Variants in NR3C2 observed in about 807,000 individuals in gnomAD.
NR3C2 encodes mineralocorticoid receptor.
In NR3C2, 15 loss-of-function variants were observed where a neutral mutation model predicts 86.4. The ratio of observed to expected loss-of-function variants is 0.17; its 90% CI spans 0.12 to 0.27. The LOEUF is 0.27. NR3C2 is among the 10% of genes least tolerant of loss of function. The pLI, the probability that NR3C2 is intolerant of heterozygous loss-of-function variation, is 1.00. For missense variants in NR3C2, 960 were observed against 1,195.6 expected (o/e 0.80, Z 2.91); for synonymous variants, 458 against 450.5 (o/e 1.02, Z -0.21).
intron 4 of NR3C2, among the ~76,000 whole-genome samples, chr4:148,166,511 A>G (rs1734886105): frequency 6.6e-6 from 1 of 152,182 alleles, no homozygotes; most frequent in South Asian, 2.1e-4. Flanking sequence ...CTCGAAATCT[A>G]ATTCTGCACA....
intron 2 of NR3C2, among the ~76,000 whole-genome samples, chr4:148,363,884 T>C (rs1745979060): frequency 1.3e-5 from 2 of 152,162 alleles, no homozygotes; most frequent in African/African-American, 4.8e-5. Context: ...CTGTATTCAG[T>C]CTCTCGTGTC....
At chr4:148,189,953 T>C (rs942375388) in intron 4 of NR3C2, among the ~76,000 whole-genome samples, 8 of 152,212 alleles carry the variant, frequency 5.3e-5, no homozygotes, top group Non-Finnish European at 1.0e-4. Flanking sequence ...ATGTTGCTAA[T>C]GGTCTATCAA....
At chr4:148,373,676 C>T (rs1018344809) in intron 2 of NR3C2, among the ~76,000 whole-genome samples, 1 of 151,912 alleles carries the variant, frequency 6.6e-6, no homozygotes, top group Non-Finnish European at 1.5e-5. Context: ...TGGGGTTTTA[C>T]TGTATTGGCC....
In NR3C2 at chr4:148,436,598, A is replaced by G; in HGVS notation, c.263T>C (p.Ile88Thr). The G allele has an allele frequency of 6.2e-7, 1 of 1,614,236 alleles. No homozygotes were observed. Among genetic ancestry groups the G allele is most frequent in the Non-Finnish European group, 8.5e-7 (1 of 1,180,046 alleles). The change falls in exon 2 of 9, where the codon ATT becomes ACT. Residue 88 changes from isoleucine to threonine, a missense_variant. Physicochemically the swap from Ile to Thr is moderately conservative, Grantham distance 89. Coordinates refer to ENST00000358102, the MANE Select transcript of NR3C2 (RefSeq NM_000901.5). The part of the protein sequence containing the change: ...NNRPGILTSD[I>T]KTELESKELS... ...TTCCTTAGATTCCAGCTCAGTTTTA[A>G]TATCAGATGTTAAAATCCCAGGCCG...
At chr4:148,433,100 G>T (rs1406676501) in intron 2 of NR3C2, among the ~76,000 whole-genome samples, 1 of 152,136 alleles carries the variant, frequency 6.6e-6, no homozygotes, top group Non-Finnish European at 1.5e-5. Context: ...ATAGGCTCAA[G>T]GTCACTAATT....
At chr4:148,173,366 A>G (rs2149785716) in intron 4 of NR3C2, among the ~76,000 whole-genome samples, 1 of 152,350 alleles carries the variant, frequency 6.6e-6, no homozygotes, top group East Asian at 1.9e-4. Flanking sequence ...CCATGTAATC[A>G]TAAGGCTCCT....
intron 2 of NR3C2, among the ~76,000 whole-genome samples, chr4:148,385,683 C>T (rs72656888): frequency 1.3e-3 from 202 of 152,230 alleles, no homozygotes; most frequent in African/African-American, 4.7e-3. Context: ...TATACAATTT[C>T]ATCATCCTAA....
chr4:148,197,970 T>C (rs1254542938), intron 3 of NR3C2, among the ~76,000 whole-genome samples: 2 of 152,006 alleles, frequency 1.3e-5, no homozygotes, highest in East Asian at 3.9e-4. Context: ...TGCTTGAGGT[T>C]GGGGCAGCTT....
intron 4 of NR3C2, among the ~76,000 whole-genome samples, chr4:148,171,954 C>T (rs1373556650): frequency 6.6e-6 from 1 of 152,180 alleles, no homozygotes. Context: ...CCTTGGATTA[C>T]ATGTATTCTA....
chr4:148,145,635 G>A (rs1214701291), intron 6 of NR3C2, among the ~76,000 whole-genome samples: 2 of 152,214 alleles, frequency 1.3e-5, no homozygotes, highest in Non-Finnish European at 1.5e-5. Flanking sequence ...TGGGAACAGT[G>A]GGGCCACAGT....
intron 3 of NR3C2, among the ~76,000 whole-genome samples, chr4:148,255,785 T>C (rs1739803286): frequency 6.6e-6 from 1 of 152,192 alleles, no homozygotes; most frequent in Non-Finnish European, 1.5e-5. Flanking sequence ...GAGATGGAAC[T>C]AATGGCAATT....
intron 2 of NR3C2, among the ~76,000 whole-genome samples, chr4:148,371,566 T>A (rs1276650186): frequency 6.6e-6 from 1 of 151,970 alleles, no homozygotes; most frequent in African/African-American, 2.4e-5. Flanking sequence ...TTATACCTAG[T>A]GACCTTGTGT....
chr4:148,082,788 AC>A (rs1438490803), intron 8 of NR3C2, among the ~76,000 whole-genome samples: 1 of 150,420 alleles, frequency 6.6e-6, no homozygotes, highest in East Asian at 2.0e-4. Context: ...GGATCCCACC[AC>A]CACGGAGCCT....
chr4:148,434,468 A>G (rs963945589), intron 2 of NR3C2, among the ~76,000 whole-genome samples: 1 of 152,230 alleles, frequency 6.6e-6, no homozygotes, highest in African/African-American at 2.4e-5. Context: ...TTCCAATATA[A>G]GTAAGAAAGC....
At chr4:148,341,160 G>GC (rs2149981161) in intron 2 of NR3C2, among the ~76,000 whole-genome samples, 1 of 152,256 alleles carries the variant, frequency 6.6e-6, no homozygotes, top group African/African-American at 2.4e-5. Context: ...ATTTATTGCA[G>GC]CACTATTCAC....
At chr4:148,272,074 G>T (rs1283291627) in intron 2 of NR3C2, among the ~76,000 whole-genome samples, 1 of 151,958 alleles carries the variant, frequency 6.6e-6, no homozygotes. Flanking sequence ...TGTATACCAG[G>T]CACTGTTCTA....
Position 148,154,790 on chromosome 4 carries a change from G to C in NR3C2, c.2126C>G (p.Thr709Arg), listed in dbSNP as rs139938639. 1.9e-5 allele frequency: 29 copies of C among 1,541,448 alleles called. No homozygotes were observed. Among genetic ancestry groups the C allele is most frequent in the South Asian group, 7.8e-5 (7 of 89,814 alleles). ...PPPQSPEEGT[T>R]YIAPAKEPSV... ...GGGTTCTTTTGCAGGAGCGATGTAC[G>C]TTGTCCCTTCCTCTGGGCTTTGCGG... The change falls in exon 5 of 9, where the codon ACG (threonine) becomes AGG (arginine). Residue 709 changes from threonine to arginine, a missense_variant. By Grantham distance (71) the Thr-to-Arg change is moderately conservative. Transcript: ENST00000358102.
At chr4:148,291,126 T>C (rs1266665528) in intron 2 of NR3C2, among the ~76,000 whole-genome samples, 2 of 152,150 alleles carry the variant, frequency 1.3e-5, no homozygotes, top group Admixed American at 1.3e-4. Flanking sequence ...TTCCACTTGT[T>C]ACTTAAAATG....
chr4:148,178,219 T>A (rs1735469086), intron 4 of NR3C2, among the ~76,000 whole-genome samples: 1 of 146,856 alleles, frequency 6.8e-6, no homozygotes, highest in Non-Finnish European at 1.5e-5. Context: ...TAATACCAGC[T>A]AGTTGGTAAG....
Sources: gnomAD v4.1 joint callset for allele counts (sites outside exome capture counted in the v4.1 genomes callset) on GRCh38, gnomAD v4.1.1 for gene constraint, MANE v1.5 for transcripts, NCBI Gene and HGNC (gene_info 2026-07-23, HGNC 2026-07-21) for gene names.